PSD3: variants seen among roughly 807,000 people sequenced by gnomAD.
PSD3 encodes the protein PH and SEC7 domain-containing protein 3.
Under a neutral mutation model 105.5 loss-of-function variants are expected in PSD3, and 49 were observed. That is an observed-to-expected ratio of 0.46 (90% CI 0.37 to 0.59). The LOEUF is 0.59. Among genes scored for constraint, PSD3 ranks in the 20% least tolerant of loss-of-function variants. The probability of loss-of-function intolerance (pLI) is 0.00; values close to 1 mark genes in which losing one functional copy is unlikely to be tolerated. For synonymous variants in PSD3, 557 were observed against 457.8 expected (o/e 1.22, Z -2.77); for missense variants, 1,561 against 1,263.8 (o/e 1.24, Z -3.57).
chr8:18,976,686 C>T (rs1277744675), intron 1 of PSD3, among the ~76,000 whole-genome samples: 1 of 152,170 alleles, frequency 6.6e-6, no homozygotes, highest in Non-Finnish European at 1.5e-5. Context: ...GCATGGCACG[C>T]AGTATTACTA....
intron 1 of PSD3, among the ~76,000 whole-genome samples, chr8:18,995,393 T>C (rs1333616553): frequency 6.6e-6 from 1 of 152,102 alleles, no homozygotes; most frequent in African/African-American, 2.4e-5. Context: ...AAAGCGGAGA[T>C]ACTGAAATGC....
intron 11 of PSD3, among the ~76,000 whole-genome samples, chr8:18,618,327 A>G (rs1236593131): frequency 6.6e-6 from 1 of 151,386 alleles, no homozygotes; most frequent in Non-Finnish European, 1.5e-5. Context: ...ATGTATACAG[A>G]CAGGTTATAA....
intron 2 of PSD3, among the ~76,000 whole-genome samples, chr8:18,909,837 T>G (rs985217209): frequency 6.6e-6 from 1 of 152,214 alleles, no homozygotes; most frequent in Non-Finnish European, 1.5e-5. Flanking sequence ...AAACAGAAAT[T>G]GTAATTTATG....
intron 2 of PSD3, among the ~76,000 whole-genome samples, chr8:18,896,540 A>G (rs1449002647): frequency 6.6e-6 from 1 of 152,136 alleles, no homozygotes; most frequent in East Asian, 1.9e-4. Context: ...CAGCCTCCCA[A>G]GTAGCAGGGA....
At chr8:18,641,384 A>C (rs1807629865) in intron 10 of PSD3, among the ~76,000 whole-genome samples, 1 of 152,152 alleles carries the variant, frequency 6.6e-6, no homozygotes, top group Non-Finnish European at 1.5e-5. Context: ...CATGATGATT[A>C]AGACCCCTCG....
intron 9 of PSD3, among the ~76,000 whole-genome samples, chr8:18,665,661 C>G (rs897856410): frequency 6.6e-6 from 1 of 152,198 alleles, no homozygotes; most frequent in East Asian, 1.9e-4. Flanking sequence ...TAACAAACAG[C>G]ATCAAATGCT....
At chr8:18,927,257 A>G (rs2129468055) in intron 2 of PSD3, among the ~76,000 whole-genome samples, 2 of 152,188 alleles carry the variant, frequency 1.3e-5, no homozygotes, top group East Asian at 3.9e-4. Flanking sequence ...TCTGTTGCCC[A>G]GGCTGGGGTG....
At chr8:18,703,515 C>A (rs566473045) in intron 9 of PSD3, among the ~76,000 whole-genome samples, 20 of 152,286 alleles carry the variant, frequency 1.3e-4, no homozygotes, top group African/African-American at 4.8e-4. Flanking sequence ...CATAAGCACA[C>A]AAACCTCTAG....
intron 2 of PSD3, among the ~76,000 whole-genome samples, chr8:18,902,461 T>A (rs1034899627): frequency 6.6e-6 from 1 of 152,246 alleles, no homozygotes; most frequent in Admixed American, 6.5e-5. Flanking sequence ...ATTATTACTT[T>A]GAATTCATAT....
intron 4 of PSD3, among the ~76,000 whole-genome samples, chr8:18,862,110 C>T (rs1478329720): frequency 6.6e-6 from 1 of 152,192 alleles, no homozygotes; most frequent in East Asian, 1.9e-4. Context: ...ATTTAATGAG[C>T]TCCTACTGGG....
At chr8:18,959,146 C>T (rs1229444362) in intron 1 of PSD3, among the ~76,000 whole-genome samples, 3 of 152,152 alleles carry the variant, frequency 2.0e-5, no homozygotes, top group Non-Finnish European at 4.4e-5. Context: ...GTCTCAAACT[C>T]CTGACCTCAA....
chr8:19,037,109 T>A (rs996480425), intron 1 of PSD3, among the ~76,000 whole-genome samples: 1 of 152,218 alleles, frequency 6.6e-6, no homozygotes, highest in Non-Finnish European at 1.5e-5. Context: ...GGTAACGTAT[T>A]TGTGGTTTAA....
chr8:18,587,317 G>C (rs767936970), intron 12 of PSD3, among the ~76,000 whole-genome samples: 19 of 152,148 alleles, frequency 1.2e-4, no homozygotes, highest in Non-Finnish European at 4.4e-5. Flanking sequence ...CAAAGAGCTT[G>C]AAATTCCTTG....
chr8:18,543,935 C>G (rs1013854130), intron 15 of PSD3, among the ~76,000 whole-genome samples: 1 of 151,972 alleles, frequency 6.6e-6, no homozygotes, highest in Non-Finnish European at 1.5e-5. Context: ...ACGATAGTAA[C>G]AACCTGAATG....
chr8:19,048,909 G>A (rs1393911948), intron 1 of PSD3, among the ~76,000 whole-genome samples: 5 of 152,260 alleles, frequency 3.3e-5, no homozygotes, highest in Middle Eastern at 3.4e-3. Flanking sequence ...TCAAGGCATT[G>A]GCAGGTTTGG....
chr8:18,891,054 T>A (rs567101389), intron 2 of PSD3, among the ~76,000 whole-genome samples: 1 of 152,316 alleles, frequency 6.6e-6, no homozygotes, highest in East Asian at 1.9e-4. Context: ...CAGTCCCTGT[T>A]AACCCAGAGC....
chr8:19,058,844 G>A (rs192404903), intron 1 of PSD3, among the ~76,000 whole-genome samples: 56 of 152,340 alleles, frequency 3.7e-4, no homozygotes, highest in African/African-American at 1.3e-3. Flanking sequence ...AAGTGAGGAT[G>A]TTGTCATTGT....
At chr8:18,697,179 T>C (rs1373620007) in intron 9 of PSD3, among the ~76,000 whole-genome samples, 1 of 152,222 alleles carries the variant, frequency 6.6e-6, no homozygotes, top group African/African-American at 2.4e-5. Context: ...ATCTGGTGTG[T>C]ATTTTACACT....
chr8:18,924,281 G>A (rs531758702), intron 2 of PSD3, among the ~76,000 whole-genome samples: 1 of 152,166 alleles, frequency 6.6e-6, no homozygotes, highest in South Asian at 2.1e-4. Context: ...TAAAATAATG[G>A]AGAACATATG....
Sources: allele counts gnomAD v4.1 joint callset (sites outside exome capture counted in the v4.1 genomes callset), GRCh38; gene constraint gnomAD v4.1.1; transcripts MANE v1.5; gene names NCBI Gene and HGNC (gene_info 2026-07-23, HGNC 2026-07-21).